Variants in ERC2 observed in about 807,000 individuals in gnomAD.
ERC2 encodes the protein ERC protein 2.
A neutral mutation model predicts 114.8 loss-of-function variants in ERC2; 42 were observed. The ratio of observed to expected loss-of-function variants is 0.37; its 90% CI spans 0.29 to 0.47. ERC2 has a LOEUF of 0.47. Ranked by LOEUF, ERC2 falls within the 20% of genes least tolerant of loss-of-function variation. ERC2 has a pLI of 0.99. For synonymous variants in ERC2, 454 were observed against 425.5 expected, an observed-to-expected ratio of 1.07 and a Z score of -0.82; for missense variants, 939 against 1,150.7, an observed-to-expected ratio of 0.82 and a Z score of 2.66.
chr3:56,072,870 C>G (rs1289999856), intron 7 of ERC2, among the ~76,000 whole-genome samples: 1 of 152,074 alleles, frequency 6.6e-6, no homozygotes, highest in African/African-American at 2.4e-5. Context: ...TTACATGTTC[C>G]CTGTACTACA....
intron 14 of ERC2, among the ~76,000 whole-genome samples, chr3:55,854,819 T>C (rs973246976): frequency 1.3e-5 from 2 of 149,820 alleles, no homozygotes; most frequent in Admixed American, 6.6e-5. Flanking sequence ...CGCATTCCTA[T>C]GGGCCTGCAT....
At chr3:55,544,186 G>A (rs1468155766) in intron 17 of ERC2, among the ~76,000 whole-genome samples, 1 of 152,160 alleles carries the variant, frequency 6.6e-6, no homozygotes, top group Non-Finnish European at 1.5e-5. Flanking sequence ...CCTAAGTCTA[G>A]GCCTCCAAGC....
intron 3 of ERC2, among the ~76,000 whole-genome samples, chr3:56,184,096 T>G (rs529975968): frequency 1.3e-5 from 2 of 152,272 alleles, no homozygotes; most frequent in African/African-American, 4.8e-5. Context: ...TTTCTTTAAT[T>G]TGTCTTAATG....
At chr3:56,306,059 G>A (rs548787111) in intron 2 of ERC2, among the ~76,000 whole-genome samples, 6 of 151,986 alleles carry the variant, frequency 3.9e-5, no homozygotes, top group Non-Finnish European at 8.8e-5. Context: ...GTGTTGCCCA[G>A]GCTGTTCTCG....
intron 17 of ERC2, chr3:55,613,244 A>G (rs1436691876): frequency 6.6e-6 from 1 of 152,248 alleles, no homozygotes; most frequent in Non-Finnish European, 1.5e-5. Context: ...CTGTTTTACA[A>G]GCAAGCCTGG....
chr3:55,937,261 A>T (rs2066504073), intron 13 of ERC2, among the ~76,000 whole-genome samples: 1 of 152,230 alleles, frequency 6.6e-6, no homozygotes, highest in Admixed American at 6.5e-5. Flanking sequence ...AGACAGGCGA[A>T]TCACTTGAAC....
intron 17 of ERC2, among the ~76,000 whole-genome samples, chr3:55,635,235 A>G (rs2059912604): frequency 1.3e-5 from 2 of 152,028 alleles, no homozygotes; most frequent in Admixed American, 1.3e-4. Context: ...CCAGACAGTC[A>G]TCTGCTGATT....
chr3:55,939,006 GA>G (rs2066620439), intron 13 of ERC2, among the ~76,000 whole-genome samples: 1 of 152,092 alleles, frequency 6.6e-6, no homozygotes, highest in South Asian at 2.1e-4. Context: ...CTTGTAATTA[GA>G]AATCAATGTG....
At chr3:56,099,042 T>C (rs1157641591) in intron 6 of ERC2, among the ~76,000 whole-genome samples, 4 of 152,176 alleles carry the variant, frequency 2.6e-5, no homozygotes, top group African/African-American at 4.8e-5. Flanking sequence ...CAAAATTAGA[T>C]CATCCTGGAT....
At chr3:56,290,980 G>T (rs924698219) in intron 3 of ERC2, among the ~76,000 whole-genome samples, 16 of 152,266 alleles carry the variant, frequency 1.1e-4, no homozygotes, top group African/African-American at 3.6e-4. Context: ...ATTAACACAG[G>T]ACATCAATAG....
intron 17 of ERC2, among the ~76,000 whole-genome samples, chr3:55,614,248 T>C (rs1041392002): frequency 6.6e-5 from 10 of 152,202 alleles, no homozygotes; most frequent in Non-Finnish European, 1.5e-4. Context: ...CTAGACTACA[T>C]GGTCCTCAAA....
chr3:56,265,405 A>G (rs926743642), intron 3 of ERC2, among the ~76,000 whole-genome samples: 3 of 152,230 alleles, frequency 2.0e-5, no homozygotes, highest in African/African-American at 7.2e-5. Flanking sequence ...ATCCATATGC[A>G]GAAGAATGAA....
chr3:56,099,202 G>A (rs1410406669), intron 6 of ERC2, among the ~76,000 whole-genome samples: 1 of 152,166 alleles, frequency 6.6e-6, no homozygotes, highest in Non-Finnish European at 1.5e-5. Flanking sequence ...GAGACCAGGA[G>A]GATTCTCCCT....
At chr3:55,639,581 G>T (rs1432311485) in intron 17 of ERC2, among the ~76,000 whole-genome samples, 1 of 152,184 alleles carries the variant, frequency 6.6e-6, no homozygotes, top group African/African-American at 2.4e-5. Context: ...AACTGGGGGA[G>T]ATCTAACATC....
Position 56,348,558 on chromosome 3 carries a change from A to C in ERC2, c.658-52123T>G, listed in dbSNP as rs1464060885. 2.0e-5 allele frequency among the ~76,000 whole-genome samples: 3 copies of C among 149,626 alleles called. No individual in the cohort carries two copies. The East Asian group carries it at 5.8e-4, about 29-fold the overall frequency. ...ATATTTAATAATTATGTATTTATAAATTAAATATATACAACTTTATGTCAA... is the reference window on the plus strand; with the variant it reads ...ATATTTAATAATTATGTATTTATAACTTAAATATATACAACTTTATGTCAA... On this transcript the variant is annotated intron_variant, in intron 2 of 17. Transcript: ENST00000288221.
chr3:55,801,175 T>C (rs2071016925), intron 14 of ERC2, among the ~76,000 whole-genome samples: 2 of 152,190 alleles, frequency 1.3e-5, no homozygotes, highest in South Asian at 2.1e-4. Flanking sequence ...TTCACTGTGA[T>C]TACATATTAC....
At chr3:55,936,199 C>T (rs1171629234) in intron 13 of ERC2, among the ~76,000 whole-genome samples, 1 of 152,164 alleles carries the variant, frequency 6.6e-6, no homozygotes, top group Non-Finnish European at 1.5e-5. Flanking sequence ...ACAGATACAG[C>T]CTCAGTCCTT....
intron 6 of ERC2, among the ~76,000 whole-genome samples, chr3:56,086,861 A>T (rs2077532080): frequency 6.6e-6 from 1 of 152,108 alleles, no homozygotes. Flanking sequence ...AGAGACATAA[A>T]GTTAAAATGT....
chr3:56,420,699 C>G (rs1030733984), intron 2 of ERC2, among the ~76,000 whole-genome samples: 1 of 149,434 alleles, frequency 6.7e-6, no homozygotes, highest in Non-Finnish European at 1.5e-5. Flanking sequence ...ACCTGGCTAA[C>G]ACGGTGAAAC....
Sources: gnomAD v4.1 joint callset for allele counts (sites outside exome capture counted in the v4.1 genomes callset) on GRCh38, gnomAD v4.1.1 for gene constraint, MANE v1.5 for transcripts, NCBI Gene and HGNC (gene_info 2026-07-23, HGNC 2026-07-21) for gene names.